USH2A: variants seen among roughly 807,000 people sequenced by gnomAD.
The protein encoded by USH2A is usherin.
In USH2A, 443 loss-of-function variants were observed where a neutral mutation model predicts 538.9. That is an observed-to-expected ratio of 0.82 (90% CI 0.76 to 0.89). The LOEUF (loss-of-function observed/expected upper bound fraction) is 0.89. Among genes scored for constraint, USH2A ranks in the 40% least tolerant of loss-of-function variants. The pLI is 0.00. For synonymous variants in USH2A, 2,413 were observed against 2,273.5 expected (o/e 1.06, Z -1.75); for missense variants, 6,633 against 6,324.8 (o/e 1.05, Z -1.65).
At chr1:216,404,784 C>T (rs1472550786) in intron 3 of USH2A, among the ~76,000 whole-genome samples, 1 of 152,026 alleles carries the variant, frequency 6.6e-6, no homozygotes, top group Non-Finnish European at 1.5e-5. Flanking sequence ...CTATGCCTGG[C>T]TAATTGTTTT....
intron 26 of USH2A, 112 bp from the exon 27 acceptor site, chr1:216,078,474 G>T: frequency 1.0e-6 from 1 of 975,070 alleles, no homozygotes; most frequent in East Asian, 2.4e-5. Flanking sequence ...TTCCCTGAAA[G>T]CACTCTATAG....
intron 38 of USH2A, among the ~76,000 whole-genome samples, chr1:215,933,312 C>T (rs1048236947): frequency 1.5e-4 from 23 of 151,612 alleles, no homozygotes; most frequent in African/African-American, 3.4e-4. Context: ...TTTATTTTAG[C>T]GGGGGGAGTT....
At chr1:215,946,229 T>G (rs1264664696) in intron 37 of USH2A, among the ~76,000 whole-genome samples, 1 of 151,884 alleles carries the variant, frequency 6.6e-6, no homozygotes, top group Non-Finnish European at 1.5e-5. Flanking sequence ...CTTATTTACA[T>G]GAGACAGTTG....
chr1:216,337,645 T>C (rs2037998963), intron 4 of USH2A, among the ~76,000 whole-genome samples: 1 of 151,308 alleles, frequency 6.6e-6, no homozygotes, highest in Admixed American at 6.6e-5. Flanking sequence ...CTGCTTTTTT[T>C]TCCAAGATTG....
At chr1:215,835,332 T>C (rs920165594) in intron 47 of USH2A, among the ~76,000 whole-genome samples, 5 of 152,176 alleles carry the variant, frequency 3.3e-5, no homozygotes, top group Non-Finnish European at 7.3e-5. Context: ...CATTCTTTTT[T>C]TTCTAGAAAA....
At chr1:215,695,815 G>C (rs563222794) in intron 61 of USH2A, among the ~76,000 whole-genome samples, 1 of 152,104 alleles carries the variant, frequency 6.6e-6, no homozygotes, top group Non-Finnish European at 1.5e-5. Context: ...ACAGTGGAAC[G>C]ATCTTGGCCA....
intron 43 of USH2A, among the ~76,000 whole-genome samples, chr1:215,870,315 A>C (rs765323303): frequency 5.6e-4 from 84 of 149,884 alleles, no homozygotes; most frequent in Non-Finnish European, 6.1e-4. Flanking sequence ...TATTTTTTTG[A>C]GACGGAGTCT....
intron 21 of USH2A, among the ~76,000 whole-genome samples, chr1:216,161,691 T>G (rs1042070211): frequency 6.6e-6 from 1 of 152,120 alleles, no homozygotes; most frequent in African/African-American, 2.4e-5. Context: ...ATTTTTATAA[T>G]GCCAGTCTTT....
At chr1:216,308,321 GGT>G (rs2037354936) in intron 9 of USH2A, among the ~76,000 whole-genome samples, 1 of 152,046 alleles carries the variant, frequency 6.6e-6, no homozygotes. Flanking sequence ...TCCCATAAGT[GGT>G]GTATGAGTCC....
At chr1:216,253,946 C>T (rs541104473) in intron 11 of USH2A, among the ~76,000 whole-genome samples, 1 of 152,260 alleles carries the variant, frequency 6.6e-6, no homozygotes, top group South Asian at 2.1e-4. Context: ...CCTTGCTCTG[C>T]TATAAAGCAT....
intron 60 of USH2A, among the ~76,000 whole-genome samples, chr1:215,733,196 G>GT (rs1452882720): frequency 1.5e-5 from 2 of 132,732 alleles, no homozygotes; most frequent in Non-Finnish European, 3.1e-5. Context: ...GAGAGAGGTG[G>GT]CGGGGGGGCG....
chr1:216,274,143 G>A lies in USH2A; in HGVS notation c.1971+15137C>T, dbSNP rs141910089. ...CTGCACCAAGTCAATCAATTCACAG[G>A]GACTCAGTCTTACTCTCTTTTTCTT... On this transcript the variant is annotated intron_variant, in intron 11 of 71. Coordinates refer to ENST00000307340, the MANE Select transcript of USH2A (RefSeq NM_206933.4). Among the ~76,000 whole-genome samples, 16 of 151,926 alleles carry A rather than the reference G, an allele frequency of 1.1e-4. No homozygotes were observed. In the East Asian group the frequency reaches 3.1e-3, roughly 29 times the overall value.
At chr1:216,377,659 G>A (rs1445383130) in intron 3 of USH2A, among the ~76,000 whole-genome samples, 1 of 148,774 alleles carries the variant, frequency 6.7e-6, no homozygotes, top group East Asian at 2.0e-4. Flanking sequence ...GTTACCCCAG[G>A]TAAGCAGCAG....
intron 37 of USH2A, among the ~76,000 whole-genome samples, chr1:215,964,893 G>T (rs761542831): frequency 4.6e-5 from 7 of 152,134 alleles, no homozygotes; most frequent in Non-Finnish European, 8.8e-5. Context: ...CACAAAAATG[G>T]CTTGTTTAAG....
chr1:215,909,290 A>G (rs1312616575), intron 38 of USH2A, among the ~76,000 whole-genome samples: 1 of 151,796 alleles, frequency 6.6e-6, no homozygotes, highest in East Asian at 1.9e-4. Context: ...GGGTTGGGGG[A>G]GGGCTGTATG....
Position 215,994,286 on chromosome 1 carries a change from C to T in USH2A, c.6658-1119G>A, listed in dbSNP as rs112337787. ...AAAGCATCTCTTTCTTTAGGCGTCT[C>T]TCTGATTTTTCAGTTTGATACTGAG... On this transcript the variant is annotated intron_variant, in intron 34 of 71. Transcript: ENST00000307340. 7.7e-3 allele frequency among the ~76,000 whole-genome samples: 1,176 copies of T among 152,178 alleles called. 11 individuals carry two copies. The highest frequency in any genetic ancestry group is 0.011 in the Non-Finnish European group (775 of 68,004).
intron 38 of USH2A, among the ~76,000 whole-genome samples, chr1:215,919,702 TA>T (rs1666048372): frequency 1.3e-5 from 2 of 152,240 alleles, no homozygotes; most frequent in Admixed American, 6.5e-5. Flanking sequence ...TTGCAACTAT[TA>T]TTTTTTTTAA....
chr1:216,230,258 T>A (rs552025384), intron 14 of USH2A, among the ~76,000 whole-genome samples: 5 of 152,108 alleles, frequency 3.3e-5, no homozygotes, highest in Admixed American at 2.0e-4. Flanking sequence ...TTCAAAAAAA[T>A]TACATCTAGG....
intron 20 of USH2A, among the ~76,000 whole-genome samples, chr1:216,177,374 C>CT (rs1451813125): frequency 1.9e-4 from 29 of 152,086 alleles, no homozygotes; most frequent in African/African-American, 6.5e-4. Context: ...AAAAAAGCTC[C>CT]TTTTATACGC....
Sources: gnomAD v4.1 joint callset for allele counts (sites outside exome capture counted in the v4.1 genomes callset) on GRCh38, gnomAD v4.1.1 for gene constraint, MANE v1.5 for transcripts, NCBI Gene and HGNC (gene_info 2026-07-23, HGNC 2026-07-21) for gene names.